Variants in GSK3B observed in about 807,000 individuals in gnomAD.
GSK3B encodes the protein glycogen synthase kinase 3 beta.
In GSK3B, 15 loss-of-function variants were observed where a neutral mutation model predicts 56.4. The ratio of observed to expected loss-of-function variants is 0.27; its 90% CI spans 0.18 to 0.41. The LOEUF (loss-of-function observed/expected upper bound fraction) is 0.41, where lower values mean the gene tolerates loss of function less well. Ranked by LOEUF, GSK3B falls within the 10% of genes least tolerant of loss-of-function variation. The pLI is 1.00. For synonymous variants in GSK3B, 181 were observed against 188.9 expected (o/e 0.96, Z 0.34); for missense variants, 300 against 513.4 (o/e 0.58, Z 4.02).
intron 10 of GSK3B, among the ~76,000 whole-genome samples, chr3:119,838,226 T>G (rs868818114): frequency 7.3e-5 from 11 of 151,648 alleles, no homozygotes; most frequent in Middle Eastern, 3.4e-3. Context: ...GAGTTGGAGG[T>G]TACATGAGCT....
At chr3:119,899,612 T>A (rs1044507679) in intron 7 of GSK3B, among the ~76,000 whole-genome samples, 1 of 152,092 alleles carries the variant, frequency 6.6e-6, no homozygotes, top group South Asian at 2.1e-4. Context: ...ATTGAAAGCC[T>A]AGGAAAACAA....
At chr3:119,961,687 T>C (rs1023649469) in intron 2 of GSK3B, among the ~76,000 whole-genome samples, 8 of 149,702 alleles carry the variant, frequency 5.3e-5, no homozygotes, top group African/African-American at 2.0e-4. Context: ...CCCCTTTCAT[T>C]ACAAAAACCA....
rs946690282 is a variant in GSK3B at position 119,826,511 on chromosome 3, G to C, written c.*277C>G. 3.6e-6 allele frequency: 2 copies of C among 558,420 alleles called. No homozygotes were observed. Among genetic ancestry groups the C allele is most frequent in the Non-Finnish European group, 6.4e-6 (2 of 312,126 alleles). 34.6% of individuals were successfully genotyped at this position (558,420 alleles called of 1,614,324 possible). On this transcript the variant is annotated 3_prime_UTR_variant, in exon 11 of 11. Coordinates refer to ENST00000264235, the MANE Select transcript of GSK3B (RefSeq NM_001146156.2). ...TTTTAATAAAAAAAGATTGTCGTGG[G>C]AGAGAGATTGTATGTTCTAGTGCTC...
chr3:119,957,445 A>G (rs933584853), intron 2 of GSK3B, among the ~76,000 whole-genome samples: 2 of 152,246 alleles, frequency 1.3e-5, no homozygotes, highest in African/African-American at 4.8e-5. Flanking sequence ...GACAGGTAAT[A>G]TGACTACTAA....
intron 7 of GSK3B, among the ~76,000 whole-genome samples, chr3:119,892,764 C>T (rs917579768): frequency 6.6e-6 from 1 of 152,106 alleles, no homozygotes; most frequent in Non-Finnish European, 1.5e-5. Flanking sequence ...TATAACACAA[C>T]ATAATCATTG....
At chr3:119,957,675 T>G (rs1341504746) in intron 2 of GSK3B, among the ~76,000 whole-genome samples, 1 of 152,188 alleles carries the variant, frequency 6.6e-6, no homozygotes, top group Non-Finnish European at 1.5e-5. Context: ...TCTTCACAAC[T>G]TCAATCCTCT....
chr3:119,971,368 T>C (rs542729760), intron 2 of GSK3B, among the ~76,000 whole-genome samples: 48 of 152,254 alleles, frequency 3.2e-4, no homozygotes, highest in South Asian at 3.1e-3. Flanking sequence ...TTAAAACTCC[T>C]ACAGGTACAG....
At position 119,863,473 on chromosome 3, in the gene GSK3B, C is replaced by T. The variant is rs767602302; in HGVS notation, c.1042G>A (p.Val348Ile). The T allele has an allele frequency of 4.3e-6, 7 of 1,613,922 alleles. No individual in the cohort carries two copies. The highest frequency in any genetic ancestry group is 5.1e-6 in the Non-Finnish European group (6 of 1,179,964). ...GTGTCTCGCCCATTTGGTAGTTTGACATTTGGGTCCCGTAATTCATCAAAA... is the reference window on the plus strand; with the variant it reads ...GTGTCTCGCCCATTTGGTAGTTTGATATTTGGGTCCCGTAATTCATCAAAA... Reference protein sequence around the residue: ...SFFDELRDPNVKLPNGRDTPA... With the variant: ...SFFDELRDPNIKLPNGRDTPA... The change falls in exon 9 of 11, where the codon GTC becomes ATC. Residue 348 changes from valine (V) to isoleucine (I), a missense_variant. Physicochemically the swap from Val to Ile is conservative, Grantham distance 29. Around this residue, in one of 6 missense-constraint regions of GSK3B, gnomAD observed 88 missense variants for 92.7 expected, o/e 0.95. Transcript: ENST00000264235.
chr3:120,025,712 AG>A, intron 1 of GSK3B, among the ~76,000 whole-genome samples: 1 of 152,332 alleles, frequency 6.6e-6, no homozygotes, highest in African/African-American at 2.4e-5. Context: ...AGAGTCTACC[AG>A]GCATCCAAAC....
At position 120,093,895 on chromosome 3, in the gene GSK3B, G is replaced by A. The variant is rs1256963332; in HGVS notation, c.-461C>T. On this transcript the variant is annotated 5_prime_UTR_variant, in exon 1 of 11. Coordinates refer to ENST00000264235, the MANE Select transcript of GSK3B (RefSeq NM_001146156.2). ...CACGCTTGAAGAGAAAGGGGGATGG[G>A]TAGGAGGGAGGGAGAGGGAGGGAGG... 10 of 191,746 alleles carry A rather than the reference G, an allele frequency of 5.2e-5. No individual in the cohort carries two copies. Among genetic ancestry groups the A allele is most frequent in the Non-Finnish European group, 9.7e-5 (9 of 92,356 alleles). 11.9% of individuals were successfully genotyped at this position (191,746 alleles called of 1,614,324 possible).
intron 7 of GSK3B, among the ~76,000 whole-genome samples, chr3:119,884,669 A>G (rs576312528): frequency 6.9e-6 from 1 of 144,182 alleles, no homozygotes; most frequent in Admixed American, 6.8e-5. Context: ...TAACATTTAA[A>G]AAGTCATTTT....
chr3:119,902,994 C>T (rs72967173), intron 7 of GSK3B, among the ~76,000 whole-genome samples: 3,029 of 152,264 alleles, frequency 0.02, 93 homozygotes, highest in African/African-American at 0.067. Context: ...GGGTTACAGG[C>T]GTGAACTACG....
intron 1 of GSK3B, among the ~76,000 whole-genome samples, chr3:120,044,462 C>G (rs375765714): frequency 1.1e-4 from 17 of 151,906 alleles, no homozygotes; most frequent in African/African-American, 3.9e-4. Flanking sequence ...TCCCTTTCAC[C>G]CTGGCATTTC....
chr3:119,827,608 A>AAAAAAAAAAAAAAT (rs1553721502), intron 10 of GSK3B, among the ~76,000 whole-genome samples: 1 of 94,628 alleles, frequency 1.1e-5, no homozygotes, highest in African/African-American at 3.9e-5. Context: ...AAAAAAAAAA[A>AAAAAAAAAAAAAAT]AGAGAGAGAG....
Position 119,998,291 on chromosome 3 carries a change from T to G in GSK3B, c.282+3755A>C, listed in dbSNP as rs958189700. Among the ~76,000 whole-genome samples the G allele has an allele frequency of 3.8e-4, 58 of 152,224 alleles. 1 individual carries two copies. Among genetic ancestry groups the G allele is most frequent in the Admixed American group, 3.2e-3 (49 of 15,286 alleles). On this transcript the variant is annotated intron_variant, in intron 2 of 10. Coordinates refer to ENST00000264235, the MANE Select transcript of GSK3B (RefSeq NM_001146156.2). Reference sequence around the variant, plus strand: ...GCTTACTGTTTTTCCAGTGGCTCCCTTGCCATGTAGGAAGCTAACTGGTAA... The same window carrying G: ...GCTTACTGTTTTTCCAGTGGCTCCCGTGCCATGTAGGAAGCTAACTGGTAA...
chr3:119,955,405 A>G (rs1264961453), intron 2 of GSK3B, among the ~76,000 whole-genome samples: 1 of 152,196 alleles, frequency 6.6e-6, no homozygotes, highest in South Asian at 2.1e-4. Flanking sequence ...GGCCCTGAGA[A>G]TACAAAAATT....
chr3:120,037,392 GCTT>G (rs2058031895), intron 1 of GSK3B, among the ~76,000 whole-genome samples: 1 of 152,160 alleles, frequency 6.6e-6, no homozygotes, highest in Admixed American at 6.5e-5. Context: ...AGAAACATGA[GCTT>G]CTCCATCCAG....
At chr3:120,007,126 TA>T (rs1293485875) in intron 1 of GSK3B, among the ~76,000 whole-genome samples, 10 of 152,270 alleles carry the variant, frequency 6.6e-5, no homozygotes, top group African/African-American at 2.4e-4. Context: ...CAGAGAATAC[TA>T]TAAACACCTC....
intron 1 of GSK3B, among the ~76,000 whole-genome samples, chr3:120,057,632 C>A (rs1259619434): frequency 1.3e-5 from 2 of 152,100 alleles, no homozygotes; most frequent in African/African-American, 4.8e-5. Flanking sequence ...TAAGCAGTTA[C>A]AATTTTTGTT....
Sources: gnomAD v4.1 joint callset for allele counts (sites outside exome capture counted in the v4.1 genomes callset) on GRCh38, gnomAD v4.1.1 for gene constraint, gnomAD v4.1.1 regional missense constraint, MANE v1.5 for transcripts, NCBI Gene and HGNC (gene_info 2026-07-23, HGNC 2026-07-21) for gene names.